ZNF516: variants seen among roughly 807,000 people sequenced by gnomAD.
The protein encoded by ZNF516 is zinc finger protein 516.
A neutral mutation model predicts 79.7 loss-of-function variants in ZNF516; 19 were observed. That is an observed-to-expected ratio of 0.24 (90% confidence interval 0.17 to 0.35). ZNF516 has a LOEUF of 0.35. Ranked by LOEUF, ZNF516 falls within the 10% of genes least tolerant of loss-of-function variation. The probability of loss-of-function intolerance (pLI) is 1.00; values close to 1 mark genes in which losing one functional copy is unlikely to be tolerated. For missense variants in ZNF516, 1,678 were observed against 1,679.5 expected, an observed-to-expected ratio of 1.00 and a Z score of 0.02; for synonymous variants, 877 against 739.5, an observed-to-expected ratio of 1.19 and a Z score of -3.02.
intron 3 of ZNF516, among the ~76,000 whole-genome samples, chr18:76,439,486 G>A (rs1411225282): frequency 2.0e-5 from 3 of 152,164 alleles, no homozygotes; most frequent in Non-Finnish European, 2.9e-5. Context: ...AGAATCAGCT[G>A]AGGTCTGTAT....
chr18:76,369,715 C>T (rs992583314), intron 6 of ZNF516, among the ~76,000 whole-genome samples: 3 of 152,260 alleles, frequency 2.0e-5, no homozygotes, highest in South Asian at 2.1e-4. Flanking sequence ...CACCCAGACA[C>T]GGCTTGACTC....
intron 3 of ZNF516, among the ~76,000 whole-genome samples, chr18:76,410,893 C>A (rs575776633): frequency 2.0e-5 from 3 of 152,308 alleles, no homozygotes; most frequent in Admixed American, 1.3e-4. Flanking sequence ...AACACCTACA[C>A]ACTCAACTTT....
At chr18:76,374,221 T>C (rs1160569813) in intron 4 of ZNF516, among the ~76,000 whole-genome samples, 1 of 152,260 alleles carries the variant, frequency 6.6e-6, no homozygotes, top group Non-Finnish European at 1.5e-5. Flanking sequence ...AATTATTTTA[T>C]TAGCTTCAAA....
In ZNF516 at chr18:76,467,607, G is replaced by A. The variant is rs916360267; in HGVS notation, c.-271-4466C>T. ...TGGTGGTGGGGAGGTCCAAACCAGAGGGGAGTCCCTGCTGCTCCTTCCTAA... is the reference window on the plus strand; with the variant it reads ...TGGTGGTGGGGAGGTCCAAACCAGAAGGGAGTCCCTGCTGCTCCTTCCTAA... On this transcript the variant is annotated intron_variant, in intron 1 of 6. Coordinates refer to ENST00000443185, the MANE Select transcript of ZNF516 (RefSeq NM_014643.4). This position sits in a 1 kb window ranked among gnomAD's most constrained non-coding sequence, Gnocchi z 4.2. Among the ~76,000 whole-genome samples the A allele has an allele frequency of 2.0e-5, 3 of 152,170 alleles. No individual in the cohort carries two copies. The highest frequency in any genetic ancestry group is 2.9e-5 in the Non-Finnish European group (2 of 68,032).
At chr18:76,479,790 G>A (rs1389180001) in intron 1 of ZNF516, among the ~76,000 whole-genome samples, 1 of 152,240 alleles carries the variant, frequency 6.6e-6, no homozygotes, top group Non-Finnish European at 1.5e-5. Context: ...CCTCCTGGCT[G>A]CCCTGTGGTC....
intron 3 of ZNF516, 57 bp downstream of exon 3, chr18:76,441,188 A>G: frequency 3.2e-6 from 5 of 1,554,574 alleles, no homozygotes; most frequent in South Asian, 2.4e-5. Context: ...ACCTGGAAGC[A>G]GGAACCCCCT....
Position 76,379,367 on chromosome 18 carries a change from G to T in ZNF516, c.2747C>A (p.Pro916Gln), listed in dbSNP as rs370768872. The T allele has an allele frequency of 6.3e-7, 1 of 1,596,540 alleles. No homozygotes were observed. The highest frequency in any genetic ancestry group is 1.7e-5 in the Admixed American group (1 of 58,216). The change falls in exon 4 of 7, where the codon CCG becomes CAG. Residue 916 changes from proline (P) to glutamine (Q), a missense_variant. Pro to Gln is a moderately conservative substitution (Grantham distance 76). Transcript: ENST00000443185. The stretch of plus-strand genomic sequence containing the variant: ...GCCCCCGCCACCCGGGGCAGGCACC[G>T]GTTTGGAGCTAGCCTCCTGCCTGGG... ...AKPRQEASSK[P>Q]VPAPGGGGFS...
chr18:76,373,146 T>C (rs2074733757), intron 4 of ZNF516, among the ~76,000 whole-genome samples: 2 of 151,038 alleles, frequency 1.3e-5, no homozygotes, highest in South Asian at 2.1e-4. Context: ...TGAGATTCTG[T>C]CTTGAATGAA....
At chr18:76,425,242 C>A (rs1419338723) in intron 3 of ZNF516, among the ~76,000 whole-genome samples, 3 of 152,104 alleles carry the variant, frequency 2.0e-5, no homozygotes, top group African/African-American at 7.2e-5. Context: ...CACTGTTTTA[C>A]GCCTTTTCCA....
At chr18:76,471,923 T>C (rs988166701) in intron 1 of ZNF516, among the ~76,000 whole-genome samples, 6 of 152,278 alleles carry the variant, frequency 3.9e-5, no homozygotes, top group African/African-American at 1.4e-4. Context: ...TGCAGGGTCC[T>C]ACCCAGGATA....
At chr18:76,380,536 G>A (rs2074874336) in intron 3 of ZNF516, among the ~76,000 whole-genome samples, 1 of 152,080 alleles carries the variant, frequency 6.6e-6, no homozygotes, top group African/African-American at 2.4e-5. Context: ...AAGATCACAG[G>A]GAAAAAATAC....
At chr18:76,378,592 C>T (rs1220417545) in intron 4 of ZNF516, among the ~76,000 whole-genome samples, 1 of 152,242 alleles carries the variant, frequency 6.6e-6, no homozygotes, top group Non-Finnish European at 1.5e-5. Context: ...TTGCGACCTC[C>T]TCCCAGGGCC....
Position 76,463,101 on chromosome 18 carries a change from G to C in ZNF516, c.-231C>G, listed in dbSNP as rs555381030. The C allele has an allele frequency of 6.6e-6, 1 of 152,316 alleles. No homozygotes were observed. Among genetic ancestry groups the C allele is most frequent in the East Asian group, 1.9e-4 (1 of 5,188 alleles). The allele number at this position is 152,316 out of a possible 1,614,324, so 9.4% of individuals were successfully genotyped here. A position where few individuals can be genotyped will look rare whatever the true frequency, so the allele number is the denominator to read the frequency against. The stretch of plus-strand genomic sequence containing the variant: ...GATGCTGGTACTCTCAGCTAAAAGT[G>C]TTCAGAGAAGGACCGAACTCCACTC... On this transcript the variant is annotated 5_prime_UTR_variant, in exon 2 of 7. Coordinates refer to ENST00000443185, the MANE Select transcript of ZNF516 (RefSeq NM_014643.4).
At position 76,493,274 on chromosome 18, in the gene ZNF516, G is replaced by A; in HGVS notation, c.-272+1870C>T. 1 of 800,178 alleles carries A rather than the reference G, an allele frequency of 1.2e-6. No individual in the cohort carries two copies. Among genetic ancestry groups the A allele is most frequent in the Non-Finnish European group, 1.5e-6 (1 of 661,902 alleles). 49.6% of individuals were successfully genotyped at this position (800,178 alleles called of 1,614,324 possible). A position where few individuals can be genotyped will look rare whatever the true frequency, so the allele number is the denominator to read the frequency against. On this transcript the variant is annotated intron_variant, in intron 1 of 6. Coordinates refer to ENST00000443185, the MANE Select transcript of ZNF516 (RefSeq NM_014643.4). This position sits in a 1 kb window ranked among gnomAD's most constrained non-coding sequence, Gnocchi z 5.2. ...AGGATGGAAAGGGAAATTCACGAAG[G>A]GAGTGGAGGCGGAAAGGGAGCTCCG...
At chr18:76,405,759 T>C (rs1599038315) in intron 3 of ZNF516, among the ~76,000 whole-genome samples, 1 of 152,144 alleles carries the variant, frequency 6.6e-6, no homozygotes, top group East Asian at 2.0e-4. Context: ...AATGCGTGTG[T>C]TGTCCGAGAC....
At chr18:76,481,216 T>C (rs1395298816) in intron 1 of ZNF516, among the ~76,000 whole-genome samples, 2 of 152,216 alleles carry the variant, frequency 1.3e-5, no homozygotes, top group Admixed American at 6.5e-5. Context: ...AGAAATTTTT[T>C]TGGCATCAAA....
At position 76,463,018 on chromosome 18, in the gene ZNF516, C is replaced by T. The variant is rs1420957679; in HGVS notation, c.-158+10G>A. On this transcript the variant is annotated intron_variant, in intron 2 of 6. Transcript: ENST00000443185. ...ACGGATTGACAGGAAGGTGATCCAA[C>T]TGCACCTACCTGGGCTTTCCTGGGA... 2 of 152,216 alleles carry T rather than the reference C, an allele frequency of 1.3e-5. No individual in the cohort carries two copies. The highest frequency in any genetic ancestry group is 3.9e-4 in the East Asian group (2 of 5,190). The allele number at this position is 152,216 out of a possible 1,614,324, so 9.4% of individuals were successfully genotyped here.
At chr18:76,465,263 G>A (rs17059417) in intron 1 of ZNF516, among the ~76,000 whole-genome samples, 43,242 of 152,220 alleles carry the variant, frequency 0.28, 7,560 homozygotes, top group East Asian at 0.44. Context: ...ATCCAGAGAT[G>A]CTTTCCTGCC....
intron 2 of ZNF516, among the ~76,000 whole-genome samples, chr18:76,461,038 C>T (rs781405484): frequency 4.3e-4 from 65 of 152,094 alleles, no homozygotes; most frequent in Non-Finnish European, 1.9e-4. Flanking sequence ...AAAAATTAGC[C>T]GGGCGTGGTG....
Sources: allele counts gnomAD v4.1 joint callset (sites outside exome capture counted in the v4.1 genomes callset), GRCh38; gene constraint gnomAD v4.1.1; non-coding constraint Gnocchi (gnomAD v3.1); transcripts MANE v1.5; gene names NCBI Gene and HGNC (gene_info 2026-07-23, HGNC 2026-07-21).